N4BP1: variants seen among roughly 807,000 people sequenced by gnomAD.
N4BP1 encodes the protein NEDD4 binding protein 1.
A neutral mutation model predicts 70.9 loss-of-function variants in N4BP1; 21 were observed. The ratio of observed to expected loss-of-function variants is 0.30; its 90% confidence interval spans 0.21 to 0.43. The LOEUF (loss-of-function observed/expected upper bound fraction) is 0.43. Among genes scored for constraint, N4BP1 ranks in the 20% least tolerant of loss-of-function variants. The probability of loss-of-function intolerance (pLI) is 1.00; values close to 1 mark genes in which losing one functional copy is unlikely to be tolerated. For synonymous variants in N4BP1, 387 were observed against 394.6 expected (o/e 0.98, Z 0.23); for missense variants, 936 against 1,069.4 (o/e 0.88, Z 1.74).
chr16:48,599,086 G>A (rs1964460867), intron 1 of N4BP1, among the ~76,000 whole-genome samples: 2 of 152,144 alleles, frequency 1.3e-5, no homozygotes, highest in African/African-American at 4.8e-5. Flanking sequence ...GGAAAGTAAG[G>A]TTGATGGAAT....
intron 2 of N4BP1, among the ~76,000 whole-genome samples, chr16:48,557,685 A>G (rs573866589): frequency 4.6e-5 from 7 of 152,210 alleles, no homozygotes; most frequent in Non-Finnish European, 1.0e-4. Flanking sequence ...AGGCATGCCT[A>G]TAGCCTCAGC....
chr16:48,547,309 C>T (rs575884090), intron 5 of N4BP1, among the ~76,000 whole-genome samples: 2 of 152,258 alleles, frequency 1.3e-5, no homozygotes, highest in East Asian at 3.9e-4. Flanking sequence ...CTCTTGCTTT[C>T]TATTTTAAAT....
At chr16:48,567,212 T>C (rs528422555) in intron 1 of N4BP1, among the ~76,000 whole-genome samples, 10 of 152,224 alleles carry the variant, frequency 6.6e-5, no homozygotes, top group Non-Finnish European at 1.3e-4. Flanking sequence ...TTGGCAAATC[T>C]GTCTACCATT....
At position 48,561,009 on chromosome 16, in the gene N4BP1, C is replaced by T. The variant is rs374454235; in HGVS notation, c.1634G>A (p.Arg545His). The change falls in exon 2 of 7, where the codon CGT becomes CAT. Residue 545 changes from arginine to histidine, a missense_variant. Arg to His is a conservative substitution (Grantham distance 29). Transcript: ENST00000262384. ...PNNMKSACEK[R>H]LGCCSSPHSK... Reference sequence around the variant, plus strand: ...ATGAGGAGAACTACAACATCCTAAACGTTTTTCACAGGCAGATTTCATATT... The same window carrying T: ...ATGAGGAGAACTACAACATCCTAAATGTTTTTCACAGGCAGATTTCATATT... 9 of 1,613,972 alleles carry T rather than the reference C, an allele frequency of 5.6e-6. No individual in the cohort carries two copies. Among genetic ancestry groups the T allele is most frequent in the South Asian group, 5.5e-5 (5 of 91,090 alleles).
At chr16:48,546,061 TTTAGTC>T in intron 6 of N4BP1, 80 bp downstream of exon 6, 1 of 802,108 alleles carries the variant, frequency 1.2e-6, no homozygotes, top group Non-Finnish European at 2.0e-6. Flanking sequence ...TAATGTCATT[TTTAGTC>T]TATAAAGACA....
At position 48,609,859 on chromosome 16, in the gene N4BP1, G is replaced by A. The variant is rs1168764023; in HGVS notation, c.114C>T (p.Leu38=). 4.0e-6 allele frequency: 6 copies of A among 1,490,594 alleles called. No homozygotes were observed. The highest frequency in any genetic ancestry group is 2.2e-5 in the Admixed American group (1 of 46,302). The allele number at this position is 1,490,594 out of a possible 1,614,324, so 92.3% of individuals were successfully genotyped here. A position where few individuals can be genotyped will look rare whatever the true frequency, so the allele number is the denominator to read the frequency against. Reference sequence around the variant, plus strand: ...GCGGCTCCTCAGCCCCTAGCGCGCCGAGCACGGCTAGGCTCACGCCAAACA... The same window carrying A: ...GCGGCTCCTCAGCCCCTAGCGCGCCAAGCACGGCTAGGCTCACGCCAAACA... The part of the protein sequence containing the change: ...EGLFGVSLAV[L]GALGAEEPLP... Residue 38 remains leucine (L), a synonymous_variant, in exon 1 of 7, where the codon CTC becomes CTT. Coordinates refer to ENST00000262384, the MANE Select transcript of N4BP1 (RefSeq NM_153029.4).
intron 1 of N4BP1, among the ~76,000 whole-genome samples, chr16:48,602,860 A>G (rs972249283): frequency 9.2e-5 from 14 of 152,042 alleles, no homozygotes; most frequent in Non-Finnish European, 2.9e-5. Context: ...GCACATGCCT[A>G]TAGTCCCAGC....
intron 1 of N4BP1, among the ~76,000 whole-genome samples, chr16:48,594,589 C>G (rs1964383923): frequency 6.6e-6 from 1 of 152,156 alleles, no homozygotes; most frequent in African/African-American, 2.4e-5. Flanking sequence ...CTCCTGGCCT[C>G]AAGTGATCTG....
intron 1 of N4BP1, among the ~76,000 whole-genome samples, chr16:48,570,279 G>A (rs536986696): frequency 6.6e-6 from 1 of 152,340 alleles, no homozygotes; most frequent in East Asian, 1.9e-4. Context: ...AGGTGGAGCT[G>A]TGTTGTGTTC....
Position 48,539,670 on chromosome 16 carries a change from C to T in N4BP1, c.*3234G>A, listed in dbSNP as rs78515149. On this transcript the variant is annotated 3_prime_UTR_variant, in exon 7 of 7. Transcript: ENST00000262384. ...GGGCAAGCATCTGCCGGGTCATGCC[C>T]GGTAACCTACATTCTTAACACCAGC... is the stretch of plus-strand genomic sequence containing the variant. The T allele has an allele frequency of 0.03, 4,519 of 152,364 alleles. 77 individuals are homozygous for T. Among genetic ancestry groups the T allele is most frequent in the Non-Finnish European group, 0.046 (3,128 of 68,068 alleles). The allele number at this position is 152,364 out of a possible 1,614,324, so 9.4% of individuals were successfully genotyped here.
At chr16:48,589,537 T>C (rs758196600) in intron 1 of N4BP1, among the ~76,000 whole-genome samples, 44 of 152,320 alleles carry the variant, frequency 2.9e-4, no homozygotes, top group Non-Finnish European at 4.6e-4. Flanking sequence ...CCTTGCCCTA[T>C]GCATCGCTTC....
intron 1 of N4BP1, 124 bp from the exon 2 acceptor site, chr16:48,562,568 G>C: frequency 1.3e-6 from 1 of 780,798 alleles, no homozygotes; most frequent in South Asian, 2.2e-5. Context: ...TTGTAATTTT[G>C]AACAAAATGT....
At chr16:48,587,103 C>T (rs1964257080) in intron 1 of N4BP1, 1 of 152,272 alleles carries the variant, frequency 6.6e-6, no homozygotes, top group African/African-American at 2.4e-5. Context: ...CTTCTTTCCT[C>T]TCTTCCTTGT....
chr16:48,590,630 T>G (rs928976289), intron 1 of N4BP1, among the ~76,000 whole-genome samples: 2 of 152,196 alleles, frequency 1.3e-5, no homozygotes, highest in Admixed American at 1.3e-4. Flanking sequence ...ACACTGTCTC[T>G]ACCGACAGGG....
chr16:48,597,422 G>A (rs994036910), intron 1 of N4BP1, among the ~76,000 whole-genome samples: 2 of 152,152 alleles, frequency 1.3e-5, no homozygotes, highest in Non-Finnish European at 2.9e-5. Context: ...CTACTTCCTT[G>A]TAACCGAAAG....
chr16:48,577,220 G>A (rs1482777276), intron 1 of N4BP1, among the ~76,000 whole-genome samples: 1 of 151,970 alleles, frequency 6.6e-6, no homozygotes, highest in Non-Finnish European at 1.5e-5. Flanking sequence ...ATTCTGCTTG[G>A]ACTGTATGTA....
intron 1 of N4BP1, among the ~76,000 whole-genome samples, chr16:48,596,755 G>T (rs1362129677): frequency 3.3e-5 from 5 of 152,182 alleles, no homozygotes; most frequent in Non-Finnish European, 7.3e-5. Context: ...TTCCTGAAAA[G>T]ACTCCCTTCT....
At position 48,606,868 on chromosome 16, in the gene N4BP1, T is replaced by C. The variant is rs551161855; in HGVS notation, c.198+2907A>G. Reference sequence around the variant, plus strand: ...GAAAAACTCTTCTTTGCTCTAAATCTTCCTTCCTCTAAATCTGCTGCTCTT... The same window carrying C: ...GAAAAACTCTTCTTTGCTCTAAATCCTCCTTCCTCTAAATCTGCTGCTCTT... On this transcript the variant is annotated intron_variant, in intron 1 of 6. Transcript: ENST00000262384. Among the ~76,000 whole-genome samples, 107 of 152,354 alleles carry C rather than the reference T, an allele frequency of 7.0e-4. 1 individual carries two copies. Among genetic ancestry groups the C allele is most frequent in the African/African-American group, 2.5e-3 (105 of 41,584 alleles).
In N4BP1 at chr16:48,555,324, T is replaced by C. The variant is rs375642400; in HGVS notation, c.1890-1655A>G. On this transcript the variant is annotated intron_variant, in intron 2 of 6. Transcript: ENST00000262384. ...GCCAGGGGGATGAGCTGGATCATAC[T>C]CCGGCTTCCTCACGCCTGCCCTTTC... 3.3e-5 allele frequency among the ~76,000 whole-genome samples: 5 copies of C among 152,130 alleles called. No individual in the cohort carries two copies. The East Asian group carries it at 5.8e-4, about 18-fold the overall frequency.
Sources: gnomAD v4.1 joint callset for allele counts (sites outside exome capture counted in the v4.1 genomes callset) on GRCh38, gnomAD v4.1.1 for gene constraint, MANE v1.5 for transcripts, NCBI Gene and HGNC (gene_info 2026-07-23, HGNC 2026-07-21) for gene names.